NPAS3: variants seen among roughly 807,000 people sequenced by gnomAD.
The protein encoded by NPAS3 is neuronal PAS domain-containing protein 3.
Under a neutral mutation model 73.1 loss-of-function variants are expected in NPAS3, and 14 were observed. That is an observed-to-expected ratio of 0.19 (90% CI 0.13 to 0.30). The LOEUF (loss-of-function observed/expected upper bound fraction) is 0.30. Ranked by LOEUF, NPAS3 falls within the 10% of genes least tolerant of loss-of-function variation. The probability of loss-of-function intolerance (pLI) is 1.00; values close to 1 mark genes in which losing one functional copy is unlikely to be tolerated. For synonymous variants in NPAS3, 620 were observed against 541.5 expected (o/e 1.14, Z -2.01); for missense variants, 1,096 against 1,250.0 (o/e 0.88, Z 1.86).
chr14:33,321,705 T>C (rs1213020631), intron 3 of NPAS3, among the ~76,000 whole-genome samples: 2 of 151,978 alleles, frequency 1.3e-5, no homozygotes, highest in Non-Finnish European at 2.9e-5. Flanking sequence ...GGTGGTGGGT[T>C]AATGCACATA....
intron 4 of NPAS3, among the ~76,000 whole-genome samples, chr14:33,459,232 T>C (rs2050151931): frequency 6.6e-6 from 1 of 152,144 alleles, no homozygotes; most frequent in Admixed American, 6.5e-5. Context: ...CGACCTCCCA[T>C]CTCATCCTGT....
rs74042041 is a variant in NPAS3, at chr14:33,329,004, A to G, written c.386-38182A>G. Among the ~76,000 whole-genome samples, 855 of 152,236 alleles carry G rather than the reference A, an allele frequency of 5.6e-3. 11 individuals carry two copies. Among genetic ancestry groups the G allele is most frequent in the African/African-American group, 0.02 (817 of 41,542 alleles). ...TTATTTAAGTTCCTAACATGTAAGG[A>G]CTTTTTTCTCTATTTTTTTTGGCAT... On this transcript the variant is annotated intron_variant, in intron 3 of 11. Coordinates refer to ENST00000356141, the Ensembl canonical transcript of NPAS3.
chr14:33,421,692 A>T (rs1288982970), intron 4 of NPAS3, among the ~76,000 whole-genome samples: 1 of 151,982 alleles, frequency 6.6e-6, no homozygotes, highest in Non-Finnish European at 1.5e-5. Flanking sequence ...GTGATCTGCT[A>T]GATACTTTAA....
At chr14:33,436,824 G>A (rs1455189618) in intron 4 of NPAS3, among the ~76,000 whole-genome samples, 1 of 152,178 alleles carries the variant, frequency 6.6e-6, no homozygotes, top group African/African-American at 2.4e-5. Context: ...CAACTAACTT[G>A]CAACTAGTTA....
chr14:33,447,495 A>G (rs1454975316), intron 4 of NPAS3, among the ~76,000 whole-genome samples: 1 of 152,220 alleles, frequency 6.6e-6, no homozygotes, highest in Non-Finnish European at 1.5e-5. Flanking sequence ...TATTCTAAGC[A>G]GTGAGTTTTT....
chr14:33,656,687 C>CTCTTTTCACAGTTACCTT (rs2059154556), intron 5 of NPAS3, among the ~76,000 whole-genome samples: 3 of 152,182 alleles, frequency 2.0e-5, no homozygotes, highest in Admixed American at 2.0e-4. Context: ...GAGTTTACAT[C>CTCTTTTCACAGTTACCTT]TCTTTTCACA....
At chr14:33,653,636 G>T (rs1013054825) in intron 5 of NPAS3, among the ~76,000 whole-genome samples, 1 of 152,220 alleles carries the variant, frequency 6.6e-6, no homozygotes, top group Non-Finnish European at 1.5e-5. Flanking sequence ...TTCTGTCAGA[G>T]ATTAGTTTTG....
intron 2 of NPAS3, among the ~76,000 whole-genome samples, chr14:33,072,612 T>A (rs1424684312): frequency 6.6e-6 from 1 of 152,190 alleles, no homozygotes; most frequent in Non-Finnish European, 1.5e-5. Flanking sequence ...GGTCCCATCA[T>A]AACCCTGAAT....
intron 5 of NPAS3, among the ~76,000 whole-genome samples, chr14:33,595,494 A>G (rs2139968959): frequency 6.6e-6 from 1 of 152,338 alleles, no homozygotes; most frequent in South Asian, 2.1e-4. Flanking sequence ...AAATGCTGTG[A>G]AATTCAAAGT....
intron 5 of NPAS3, among the ~76,000 whole-genome samples, chr14:33,613,959 G>A (rs772963865): frequency 2.6e-5 from 4 of 151,936 alleles, no homozygotes; most frequent in Non-Finnish European, 5.9e-5. Flanking sequence ...ATTCCTTTAG[G>A]CCGGAAACTC....
intron 9 of NPAS3, among the ~76,000 whole-genome samples, chr14:33,787,742 T>C (rs910127314): frequency 1.3e-5 from 2 of 152,180 alleles, no homozygotes; most frequent in Non-Finnish European, 1.5e-5. Flanking sequence ...AATGAAAAAC[T>C]GTCTCTTTTG....
At chr14:33,753,075 GA>G (rs1406295753) in intron 7 of NPAS3, among the ~76,000 whole-genome samples, 2 of 152,054 alleles carry the variant, frequency 1.3e-5, no homozygotes, top group Non-Finnish European at 1.5e-5. Context: ...TCTTCTTAAA[GA>G]ACAGTTCATT....
intron 1 of NPAS3, among the ~76,000 whole-genome samples, chr14:32,981,731 C>G (rs1296945046): frequency 6.6e-6 from 1 of 152,148 alleles, no homozygotes; most frequent in Non-Finnish European, 1.5e-5. Context: ...ACAAGTCCTG[C>G]TTCATCTTGG....
At chr14:33,563,517 T>TACACACACACACAC (rs146854404) in intron 5 of NPAS3, among the ~76,000 whole-genome samples, 96 of 106,940 alleles carry the variant, frequency 9.0e-4, no homozygotes, top group East Asian at 3.7e-3. Flanking sequence ...TACACATACA[T>TACACACACACACAC]ACACACACAC....
chr14:33,261,733 T>C (rs1020473287), intron 3 of NPAS3, among the ~76,000 whole-genome samples: 4 of 152,172 alleles, frequency 2.6e-5, no homozygotes, highest in African/African-American at 9.7e-5. Context: ...TCCTCCAATA[T>C]ACATTTTCCA....
chr14:33,387,817 T>C (rs181855124), intron 4 of NPAS3, among the ~76,000 whole-genome samples: 1 of 152,332 alleles, frequency 6.6e-6, no homozygotes, highest in East Asian at 1.9e-4. Flanking sequence ...TACTGAGTCC[T>C]GGACCCTACA....
At chr14:33,799,192 T>G (rs145698213) in intron 11 of NPAS3, among the ~76,000 whole-genome samples, 177 of 152,000 alleles carry the variant, frequency 1.2e-3, no homozygotes, top group African/African-American at 4.0e-3. Flanking sequence ...GTGAATCAGA[T>G]GGTGGTAAGT....
At chr14:33,084,735 A>G (rs150788482) in intron 2 of NPAS3, among the ~76,000 whole-genome samples, 1,895 of 152,222 alleles carry the variant, frequency 0.012, 22 homozygotes, top group Non-Finnish European at 0.021. Flanking sequence ...TAGAGAAGGA[A>G]TATGTGGTCT....
At position 33,800,236 on chromosome 14, in the gene NPAS3, C is replaced by G; in HGVS notation, c.1929C>G (p.Ala643=). The change falls in exon 12 of 12, where the codon GCC becomes GCG. Residue 643 remains alanine (A), a synonymous_variant. Transcript: ENST00000356141. This position sits in a 1 kb window ranked among gnomAD's most constrained non-coding sequence, Gnocchi z 6.5. ...GGCTGCTGTCCTCCCCCAACAGTGCCTCGGTGCTCAAGATCAAGACGGAGA... is the reference window on the plus strand; with the variant it reads ...GGCTGCTGTCCTCCCCCAACAGTGCGTCGGTGCTCAAGATCAAGACGGAGA... 6.2e-7 allele frequency: 1 copy of G among 1,613,130 alleles called. No individual in the cohort carries two copies.
Sources: gnomAD v4.1 joint callset for allele counts (sites outside exome capture counted in the v4.1 genomes callset) on GRCh38, gnomAD v4.1.1 for gene constraint, Gnocchi (gnomAD v3.1) non-coding constraint, MANE v1.5 for transcripts, NCBI Gene and HGNC (gene_info 2026-07-23, HGNC 2026-07-21) for gene names.